The following C10orf88 variants were observed in gnomAD, a reference collection of about 807,000 sequenced individuals.
The protein encoded by C10orf88 is ATPase PAAT.
C10orf88 carries 29 observed loss-of-function variants against 34.2 expected under a neutral mutation model. That is an observed-to-expected ratio of 0.85 (90% CI 0.63 to 1.16). The LOEUF (loss-of-function observed/expected upper bound fraction) is 1.16. Among genes scored for constraint, C10orf88 ranks in the 50% most tolerant of loss-of-function variants. The pLI is 0.00. For missense variants in C10orf88, 507 were observed against 533.2 expected (o/e 0.95, Z 0.48); for synonymous variants, 194 against 197.4 (o/e 0.98, Z 0.15).
In C10orf88 at chr10:122,931,289, G is replaced by T. The variant is rs1055198322; in HGVS notation, c.*1138C>A. 1 of 152,136 alleles carries T rather than the reference G, an allele frequency of 6.6e-6. No homozygotes were observed. Among genetic ancestry groups the T allele is most frequent in the Non-Finnish European group, 1.5e-5 (1 of 68,006 alleles). 9.4% of individuals were successfully genotyped at this position (152,136 alleles called of 1,614,324 possible). The stretch of plus-strand genomic sequence containing the variant: ...GTCTCCTCTGGACTGGTTACAAAAG[G>T]AACTTTTCATCACAGGCATCCTGTT... On this transcript the variant is annotated 3_prime_UTR_variant, in exon 6 of 6. Transcript: ENST00000481909.
At chr10:122,935,241 C>T (rs1848523989) in intron 5 of C10orf88, among the ~76,000 whole-genome samples, 1 of 151,942 alleles carries the variant, frequency 6.6e-6, no homozygotes, top group Non-Finnish European at 1.5e-5. Context: ...TTTCCTAGTC[C>T]TAGGTCCCTA....
intron 3 of C10orf88, among the ~76,000 whole-genome samples, chr10:122,949,731 A>C (rs1848672972): frequency 6.6e-6 from 1 of 152,196 alleles, no homozygotes; most frequent in Non-Finnish European, 1.5e-5. Flanking sequence ...CAGATAAAGG[A>C]GAACTGCTAT....
chr10:122,935,386 C>T (rs1589693698), intron 5 of C10orf88, among the ~76,000 whole-genome samples: 1 of 151,994 alleles, frequency 6.6e-6, no homozygotes, highest in East Asian at 1.9e-4. Context: ...CCAACTGTTC[C>T]AGCACAGGTT....
In C10orf88 at chr10:122,954,173, C is replaced by G; in HGVS notation, c.6G>C (p.Glu2Asp). ...TGAGGCCCCCGTCCTCGGTCCGCGT[C>G]TCCATTCCGCCGCCTTCAGTCAGGC... is the stretch of plus-strand genomic sequence containing the variant. M[E>D]TRTEDGGLTR... The change falls in exon 1 of 6, where the codon GAG becomes GAC. Residue 2 changes from glutamate to aspartate, a missense_variant. Glu to Asp is a conservative substitution (Grantham distance 45). Transcript: ENST00000481909. 1 of 1,566,430 alleles carries G rather than the reference C, an allele frequency of 6.4e-7. No homozygotes were observed. Among genetic ancestry groups the G allele is most frequent in the South Asian group, 1.2e-5 (1 of 85,498 alleles).
At position 122,948,796 on chromosome 10, in the gene C10orf88, T is replaced by C. The variant is rs1232651128; in HGVS notation, c.501A>G (p.Arg167=). Residue 167 remains arginine (R), a synonymous_variant, in exon 4 of 6, where the codon AGA becomes AGG. Coordinates refer to ENST00000481909, the MANE Select transcript of C10orf88 (RefSeq NM_024942.4). The part of the protein sequence containing the change: ...VFISKVVVHM[R]SVFANSSTSS... ...TTGTTGAAGAATTTGCAAAAACTGA[T>C]CTCATGTGTACCACAACTTTACTGA... The C allele has an allele frequency of 6.2e-7, 1 of 1,613,706 alleles. No individual in the cohort carries two copies. Among genetic ancestry groups the C allele is most frequent in the African/African-American group, 1.3e-5 (1 of 74,898 alleles).
At chr10:122,934,566 T>C (rs1848516596) in intron 5 of C10orf88, among the ~76,000 whole-genome samples, 1 of 152,168 alleles carries the variant, frequency 6.6e-6, no homozygotes. Flanking sequence ...CATTCACCTA[T>C]TGCTAAGACA....
At chr10:122,942,277 T>G (rs186003367) in intron 4 of C10orf88, among the ~76,000 whole-genome samples, 1 of 152,106 alleles carries the variant, frequency 6.6e-6, no homozygotes, top group Non-Finnish European at 1.5e-5. Flanking sequence ...AAAAACCACA[T>G]GATTATCTCA....
chr10:122,932,712 A>G lies in C10orf88; in HGVS notation c.1104-51T>C, dbSNP rs749336506. The stretch of plus-strand genomic sequence containing the variant: ...TAAATTTTCCCTAATAACAAAAACA[A>G]CCAAGCTTATAAAACAAGCAGCCAA... On this transcript the variant is annotated intron_variant, in intron 5 of 5. Coordinates refer to ENST00000481909, the MANE Select transcript of C10orf88 (RefSeq NM_024942.4). 7.8e-6 allele frequency: 10 copies of G among 1,277,000 alleles called. No individual in the cohort carries two copies. In the Admixed American group the frequency reaches 2.2e-4, roughly 28 times the overall value. 79.1% of individuals were successfully genotyped at this position (1,277,000 alleles called of 1,614,324 possible).
chr10:122,951,281 T>C (rs1848687540), intron 3 of C10orf88, among the ~76,000 whole-genome samples: 1 of 152,248 alleles, frequency 6.6e-6, no homozygotes, highest in Non-Finnish European at 1.5e-5. Context: ...TTTTTAAAAA[T>C]GTTTTTTGCT....
Position 122,954,075 on chromosome 10 carries a change from C to G in C10orf88, c.104G>C (p.Arg35Pro), listed in dbSNP as rs1385177048. 1 of 1,560,170 alleles carries G rather than the reference C, an allele frequency of 6.4e-7. No individual in the cohort carries two copies. Among genetic ancestry groups the G allele is most frequent in the Non-Finnish European group, 8.6e-7 (1 of 1,156,198 alleles). Residue 35 changes from arginine (R) to proline (P), a missense_variant, in exon 1 of 6, where the codon CGG (arginine) becomes CCG (proline). Arg to Pro is a moderately radical substitution (Grantham distance 103). Coordinates refer to ENST00000481909, the MANE Select transcript of C10orf88 (RefSeq NM_024942.4). The stretch of plus-strand genomic sequence containing the variant: ...GAAGTCACCGGGGCCGAGACCGGCC[C>G]GGGTGAGGAGGAGGCTGTGGGTCAG... Reference protein sequence around the residue: ...GALTHSLLLTRAGLGPGDFDW... With the variant: ...GALTHSLLLTPAGLGPGDFDW...
In C10orf88 at chr10:122,937,771, T is replaced by C. The variant is rs948480279; in HGVS notation, c.1037A>G (p.His346Arg). 3 of 1,613,054 alleles carry C rather than the reference T, an allele frequency of 1.9e-6. No homozygotes were observed. The highest frequency in any genetic ancestry group is 2.5e-6 in the Non-Finnish European group (3 of 1,179,300). ...QNLCSQVNHLHVGNKTECQEN... is the reference protein window; with the variant it reads ...QNLCSQVNHLRVGNKTECQEN... ...CTGACACTCGGTCTTATTTCCCACA[T>C]GGAGATGATTAACTTGACTACATAA... The change falls in exon 5 of 6, where the codon CAT becomes CGT. Residue 346 changes from histidine to arginine, a missense_variant. By Grantham distance (29) the His-to-Arg change is conservative. Transcript: ENST00000481909.
intron 3 of C10orf88, among the ~76,000 whole-genome samples, chr10:122,950,569 TACCTCTCA>T (rs1848681085): frequency 6.6e-6 from 1 of 152,220 alleles, no homozygotes. Context: ...ATTAACCTCC[TACCTCTCA>T]ACCTCTCTAT....
chr10:122,951,246 G>GT, intron 3 of C10orf88, among the ~76,000 whole-genome samples: 1 of 152,080 alleles, frequency 6.6e-6, no homozygotes. Context: ...TTATAAATGG[G>GT]TTTTTGCCAT....
chr10:122,932,765 A>G, intron 5 of C10orf88, 104 bp from the exon 6 acceptor site: 1 of 773,476 alleles, frequency 1.3e-6, no homozygotes, highest in Non-Finnish European at 2.0e-6. Context: ...TGTCTCCACA[A>G]CTGTGCTCTG....
At chr10:122,953,088 T>C (rs531755959) in intron 1 of C10orf88, 56 bp from the exon 2 acceptor site, 1 of 1,404,830 alleles carries the variant, frequency 7.1e-7, no homozygotes, top group African/African-American at 1.4e-5. Context: ...ACATGACTCT[T>C]CTTTTTTGAG....
chr10:122,951,795 A>T (rs1296869090), intron 3 of C10orf88, among the ~76,000 whole-genome samples, 159 bp downstream of exon 3: 1 of 151,880 alleles, frequency 6.6e-6, no homozygotes, highest in Non-Finnish European at 1.5e-5. Flanking sequence ...GTCCCACTGC[A>T]CTCCAGCCTG....
intron 4 of C10orf88, among the ~76,000 whole-genome samples, chr10:122,944,879 C>T (rs999888851): frequency 1.3e-5 from 2 of 151,012 alleles, no homozygotes; most frequent in African/African-American, 4.9e-5. Flanking sequence ...ATCCCAAATA[C>T]CCAGTTACTA....
rs1033511131 is a variant in C10orf88, at chr10:122,938,042, G to T, written c.766C>A (p.Pro256Thr). The change falls in exon 5 of 6, where the codon CCT becomes ACT. Residue 256 changes from proline to threonine, a missense_variant. Coordinates refer to ENST00000481909, the MANE Select transcript of C10orf88 (RefSeq NM_024942.4). ...GTCAATCCAGTTCTAAAAGGAAAAG[G>T]TGTGGAGGACGACTTGTTTAAGGTT... ...LGTLNKSSST[P>T]FPFRTGLTSG... is the part of the protein sequence containing the mutation. The T allele has an allele frequency of 1.9e-6, 3 of 1,613,314 alleles. No homozygotes were observed. Among genetic ancestry groups the T allele is most frequent in the Non-Finnish European group, 2.5e-6 (3 of 1,179,444 alleles).
chr10:122,951,981 C>T lies in C10orf88; in HGVS notation c.414G>A (p.Glu138=). 6.5e-7 allele frequency: 1 copy of T among 1,547,168 alleles called. No homozygotes were observed. Among genetic ancestry groups the T allele is most frequent in the Admixed American group, 1.8e-5 (1 of 56,704 alleles). Residue 138 remains glutamate, a synonymous_variant, in exon 3 of 6, where the codon GAG becomes GAA. Transcript: ENST00000481909. ...IILYKKNLKL[E]SSTHACKIKL... ...TTATTTTACAAGCATGTGTGGAGGACTCCAATTTTAGATTTTTTTTATACA... is the reference window on the plus strand; with the variant it reads ...TTATTTTACAAGCATGTGTGGAGGATTCCAATTTTAGATTTTTTTTATACA...
Sources: gnomAD v4.1 joint callset for allele counts (sites outside exome capture counted in the v4.1 genomes callset) on GRCh38, gnomAD v4.1.1 for gene constraint, MANE v1.5 for transcripts, NCBI Gene and HGNC (gene_info 2026-07-23, HGNC 2026-07-21) for gene names.